The following ANK2 variants were observed in gnomAD, a reference collection of about 807,000 sequenced individuals.
ANK2 encodes ankyrin 2, also known as ankyrin-2.
In ANK2, 83 loss-of-function variants were observed where a neutral mutation model predicts 360.5. The ratio of observed to expected loss-of-function variants is 0.23; its 90% CI spans 0.19 to 0.28. The LOEUF (loss-of-function observed/expected upper bound fraction) is 0.28. Among genes scored for constraint, ANK2 ranks in the 10% least tolerant of loss-of-function variants. The pLI, the probability that ANK2 is intolerant of heterozygous loss-of-function variation, is 1.00. For synonymous variants in ANK2, 1,740 were observed against 1,759.5 expected (o/e 0.99, Z 0.28); for missense variants, 4,201 against 4,795.7 (o/e 0.88, Z 3.66).
At chr4:113,381,151 GGTTA>G (rs1164067688) in intron 45 of ANK2, among the ~76,000 whole-genome samples, 13 of 151,908 alleles carry the variant, frequency 8.6e-5, no homozygotes, top group Non-Finnish European at 1.6e-4. Context: ...ATGATTTTAT[GGTTA>G]GTTTTTGAGA....
chr4:113,365,240 G>A (rs927894849), intron 41 of ANK2, 58 bp downstream of exon 41: 13 of 1,568,404 alleles, frequency 8.3e-6, no homozygotes, highest in Admixed American at 1.7e-5. Context: ...TGTTGTGTCT[G>A]TGTGTGGTTA....
Position 113,357,011 on chromosome 4 carries a change from G to A in ANK2, c.8393G>A (p.Gly2798Asp), listed in dbSNP as rs1164213516. The stretch of plus-strand genomic sequence containing the variant: ...TCTTCAGGTCTACAGAGTCCGACTG[G>A]TGATGATGTTGATGAACAGCCAGTC... Reference protein sequence around the residue: ...PVSSGLQSPTGDDVDEQPVIY... With the variant: ...PVSSGLQSPTDDDVDEQPVIY... Residue 2798 changes from glycine (G) to aspartate (D), a missense_variant, in exon 38 of 46, where the codon GGT becomes GAT. Physicochemically the swap from Gly to Asp is moderately conservative, Grantham distance 94. Transcript: ENST00000357077. The A allele has an allele frequency of 6.2e-7, 1 of 1,613,890 alleles. No homozygotes were observed. The highest frequency in any genetic ancestry group is 1.3e-5 in the African/African-American group (1 of 74,892).
At chr4:113,016,762 A>G (rs1308446389) in intron 2 of ANK2, among the ~76,000 whole-genome samples, 3 of 152,210 alleles carry the variant, frequency 2.0e-5, no homozygotes, top group African/African-American at 7.2e-5. Flanking sequence ...TCTGGTTTGT[A>G]GAGACACATT....
chr4:113,073,375 C>T (rs2078544672), intron 1 of ANK2, among the ~76,000 whole-genome samples: 1 of 152,048 alleles, frequency 6.6e-6, no homozygotes, highest in African/African-American at 2.4e-5. Flanking sequence ...TGGACACATG[C>T]AATTTAGACT....
chr4:112,792,651 A>G, the ANK2 span, among the ~76,000 whole-genome samples: 3 of 152,202 alleles, frequency 2.0e-5, no homozygotes, highest in Non-Finnish European at 4.4e-5. Context: ...GCAGAAAAAT[A>G]TTTTGTCAGA....
intron 2 of ANK2, among the ~76,000 whole-genome samples, chr4:112,981,892 T>G (rs1456425874): frequency 3.9e-5 from 6 of 152,176 alleles, no homozygotes; most frequent in Admixed American, 2.6e-4. Context: ...TGATATTAAT[T>G]CAACAATCAT....
intron 2 of ANK2, among the ~76,000 whole-genome samples, chr4:112,938,722 A>G (rs1478122928): frequency 6.6e-6 from 1 of 152,218 alleles, no homozygotes; most frequent in African/African-American, 2.4e-5. Context: ...GCTTGAAGAT[A>G]TAAATGAAGA....
chr4:112,961,693 A>G (rs1020611994), intron 2 of ANK2, among the ~76,000 whole-genome samples: 3 of 152,128 alleles, frequency 2.0e-5, no homozygotes, highest in African/African-American at 7.2e-5. Context: ...TCAATGGTCC[A>G]CTTTTAGTTA....
Position 113,383,086 on chromosome 4 carries a change from C to A in ANK2, c.*1615C>A, listed in dbSNP as rs1016321456. ...GTCATTTGTTAAAGAAAAGTATATT[C>A]AATGAAGATGAAATTTAAATAAAAA... On this transcript the variant is annotated 3_prime_UTR_variant, in exon 46 of 46. Coordinates refer to ENST00000357077, the MANE Select transcript of ANK2 (RefSeq NM_001148.6). The A allele has an allele frequency of 6.6e-6, 1 of 152,448 alleles. No homozygotes were observed. Among genetic ancestry groups the A allele is most frequent in the Non-Finnish European group, 1.5e-5 (1 of 68,020 alleles). The allele number at this position is 152,448 out of a possible 1,614,324, so 9.4% of individuals were successfully genotyped here.
rs759182751 is a variant in ANK2 at position 113,367,727 on chromosome 4, G to A, written c.11194G>A (p.Glu3732Lys). ...STFQDGVPKT[E>K]GDSSATALFP... Reference sequence around the variant, plus strand: ...TTTTCAGGATGGCGTCCCCAAAACTGAGGGGGACAGCTCAGCAACAGCACT... The same window carrying A: ...TTTTCAGGATGGCGTCCCCAAAACTAAGGGGGACAGCTCAGCAACAGCACT... Residue 3732 changes from glutamate (E) to lysine (K), a missense_variant, in exon 42 of 46, where the codon GAG (glutamate) becomes AAG (lysine). Physicochemically the swap from Glu to Lys is moderately conservative, Grantham distance 56 (BLOSUM62 1). This residue lies in a region of ANK2 where 2,642 missense variants were observed against 2,714.5 expected (regional missense o/e 0.97). Transcript: ENST00000357077. The A allele has an allele frequency of 6.2e-7, 1 of 1,613,590 alleles. No homozygotes were observed. The highest frequency in any genetic ancestry group is 1.7e-5 in the Admixed American group (1 of 59,964).
In ANK2 at chr4:113,354,295, G is replaced by A. The variant is rs2095603402; in HGVS notation, c.5677G>A (p.Val1893Met). The A allele has an allele frequency of 6.2e-7, 1 of 1,613,970 alleles. No homozygotes were observed. The highest frequency in any genetic ancestry group is 1.7e-5 in the Admixed American group (1 of 60,000). ...GACAAAAACTGAAAGGCACTCTCCT[G>A]TGTCATCTACAAAAACAGAAAGACA... ...PSTKTERHSPVSSTKTERHPP... is the reference protein window; with the variant it reads ...PSTKTERHSPMSSTKTERHPP... Residue 1893 changes from valine (V) to methionine (M), a missense_variant, in exon 38 of 46, where the codon GTG becomes ATG. Physicochemically the swap from Val to Met is conservative, Grantham distance 21. This residue lies in a region of ANK2 where 2,642 missense variants were observed against 2,714.5 expected (regional missense o/e 0.97). Transcript: ENST00000357077.
intron 2 of ANK2, among the ~76,000 whole-genome samples, chr4:112,977,530 GAATA>G (rs755729278): frequency 5.4e-4 from 81 of 150,776 alleles, no homozygotes; most frequent in Admixed American, 8.6e-4. Context: ...TAATAACCAT[GAATA>G]AATAAATTAA....
At chr4:113,352,729 G>A (rs2095493655) in intron 37 of ANK2, among the ~76,000 whole-genome samples, 1 of 150,630 alleles carries the variant, frequency 6.6e-6, no homozygotes, top group Non-Finnish European at 1.5e-5. Flanking sequence ...TCTTTGTTTT[G>A]ATATGTAGTG....
intron 1 of ANK2, among the ~76,000 whole-genome samples, chr4:113,151,721 T>C (rs568784177): frequency 4.6e-5 from 7 of 152,254 alleles, no homozygotes; most frequent in African/African-American, 1.4e-4. Context: ...TGAATTGTTA[T>C]TCTCTATATC....
intron 14 of ANK2, among the ~76,000 whole-genome samples, chr4:113,269,923 C>T (rs1422866029): frequency 1.3e-5 from 2 of 152,198 alleles, no homozygotes; most frequent in African/African-American, 2.4e-5. Flanking sequence ...CTCTTGTTGT[C>T]TTGGTTTTCA....
intron 1 of ANK2, among the ~76,000 whole-genome samples, chr4:112,895,775 G>C (rs572042051): frequency 6.6e-6 from 1 of 152,294 alleles, no homozygotes; most frequent in Non-Finnish European, 1.5e-5. Flanking sequence ...AAACCACAGA[G>C]TTTATTTTCC....
chr4:112,777,324 C>T, the ANK2 span, among the ~76,000 whole-genome samples: 1 of 151,836 alleles, frequency 6.6e-6, no homozygotes, highest in Admixed American at 6.6e-5. Flanking sequence ...CTGCAAGCTC[C>T]GCCTCCTGGA....
chr4:113,295,954 T>A (rs2071169399), intron 22 of ANK2, among the ~76,000 whole-genome samples: 1 of 152,168 alleles, frequency 6.6e-6, no homozygotes, highest in African/African-American at 2.4e-5. Context: ...ATAAACTTCC[T>A]CTCTTTGGAA....
intron 1 of ANK2, among the ~76,000 whole-genome samples, chr4:113,142,434 T>C (rs1229686435): frequency 6.6e-6 from 1 of 152,210 alleles, no homozygotes; most frequent in African/African-American, 2.4e-5. Flanking sequence ...CATAGGCAGC[T>C]GCTCATAGGA....
Sources: allele counts gnomAD v4.1 joint callset (sites outside exome capture counted in the v4.1 genomes callset), GRCh38; gene constraint gnomAD v4.1.1; regional missense constraint gnomAD v4.1.1; transcripts MANE v1.5; gene names NCBI Gene and HGNC (gene_info 2026-07-23, HGNC 2026-07-21).